SV2B: variants seen among roughly 807,000 people sequenced by gnomAD.
SV2B encodes the protein synaptic vesicle glycoprotein 2B.
Under a neutral mutation model 73.9 loss-of-function variants are expected in SV2B, and 41 were observed. That is an observed-to-expected ratio of 0.56 (90% CI 0.43 to 0.72). SV2B has a LOEUF of 0.72. SV2B is among the 30% of genes least tolerant of loss of function. SV2B has a pLI of 0.00. For synonymous variants in SV2B, 314 were observed against 314.2 expected, an observed-to-expected ratio of 1.00 and a Z score of 0.01; for missense variants, 764 against 857.8, an observed-to-expected ratio of 0.89 and a Z score of 1.37.
chr15:91,182,901 G>A (rs2044636354), intron 1 of SV2B, among the ~76,000 whole-genome samples: 1 of 152,168 alleles, frequency 6.6e-6, no homozygotes, highest in Admixed American at 6.5e-5. Flanking sequence ...CTAGAGAGCT[G>A]TTATTCATCT....
At position 91,258,150 on chromosome 15, in the gene SV2B, A is replaced by G. The variant is rs573841273; in HGVS notation, c.785-271A>G. Among the ~76,000 whole-genome samples, 2 of 152,188 alleles carry G rather than the reference A, an allele frequency of 1.3e-5. No individual in the cohort carries two copies. Among genetic ancestry groups the G allele is most frequent in the East Asian group, 3.9e-4 (2 of 5,180 alleles). ...TGTCAGGCCAGGCCTGGACCTGGGG[A>G]TTTGTCAGAATGCAGAATTCCTGGG... On this transcript the variant is annotated intron_variant, in intron 4 of 12. Transcript: ENST00000394232. The surrounding 1 kb of genome is among the most constrained non-coding windows in gnomAD (Gnocchi z 4.7).
At chr15:91,254,483 C>G (rs980660428) in intron 4 of SV2B, among the ~76,000 whole-genome samples, 1 of 152,106 alleles carries the variant, frequency 6.6e-6, no homozygotes, top group African/African-American at 2.4e-5. Flanking sequence ...GTGATCCACC[C>G]GCCTCAGCTT....
intron 1 of SV2B, among the ~76,000 whole-genome samples, chr15:91,138,188 G>A (rs1045061488): frequency 6.6e-6 from 1 of 152,158 alleles, no homozygotes; most frequent in African/African-American, 2.4e-5. Flanking sequence ...ACCCTAACCT[G>A]AATCTGAGGC....
intron 9 of SV2B, among the ~76,000 whole-genome samples, chr15:91,279,062 G>A (rs538067270): frequency 6.6e-6 from 1 of 152,140 alleles, no homozygotes; most frequent in Non-Finnish European, 1.5e-5. Flanking sequence ...TTTTCCCTCT[G>A]TCTGGAATAC....
rs1016021673 is a variant in SV2B at position 91,290,121 on chromosome 15, C to T, written c.1868+441C>T. Among the ~76,000 whole-genome samples the T allele has an allele frequency of 2.0e-5, 3 of 152,060 alleles. No homozygotes were observed. The highest frequency in any genetic ancestry group is 4.4e-5 in the Non-Finnish European group (3 of 68,012). ...CTGCAGAGAATGTGGCAGGGAGGCC[C>T]AGGGGTTACTTTTATTTTGCACAGG... is the stretch of plus-strand genomic sequence containing the variant. On this transcript the variant is annotated intron_variant, in intron 12 of 12. Coordinates refer to ENST00000394232, the MANE Select transcript of SV2B (RefSeq NM_001323032.3). The surrounding 1 kb of genome is among the most constrained non-coding windows in gnomAD (Gnocchi z 4.7).
In SV2B at chr15:91,216,093, A is replaced by G. The variant is rs182965851; in HGVS notation, c.-391-9780A>G. 7.9e-5 allele frequency among the ~76,000 whole-genome samples: 12 copies of G among 152,326 alleles called. No homozygotes were observed. The East Asian group carries it at 2.3e-3, about 29-fold the overall frequency. On this transcript the variant is annotated intron_variant, in intron 1 of 12. Coordinates refer to ENST00000394232, the MANE Select transcript of SV2B (RefSeq NM_001323032.3). The stretch of plus-strand genomic sequence containing the variant: ...TAGAAGAAAGAAGTATTTTTAATAT[A>G]ATACTCATGAACCAACACTGTTGTA...
Position 91,127,815 on chromosome 15 carries a change from G to C in SV2B, c.-392+27452G>C, listed in dbSNP as rs1749666819. Among the ~76,000 whole-genome samples, 3 of 152,168 alleles carry C rather than the reference G, an allele frequency of 2.0e-5. No individual in the cohort carries two copies. The South Asian group carries it at 6.2e-4, about 32-fold the overall frequency. On this transcript the variant is annotated intron_variant, in intron 1 of 12. Transcript: ENST00000394232. The stretch of plus-strand genomic sequence containing the variant: ...TTTAACTTGTGCATATTGGGGCATA[G>C]TAATAGTCCCAGGGGTTTGCCAGAA...
At position 91,121,473 on chromosome 15, in the gene SV2B, T is replaced by C. The variant is rs531140986; in HGVS notation, c.-392+21110T>C. Among the ~76,000 whole-genome samples the C allele has an allele frequency of 1.4e-4, 22 of 152,354 alleles. No individual in the cohort carries two copies. The highest frequency in any genetic ancestry group is 3.4e-3 in the Middle Eastern group (1 of 294). On this transcript the variant is annotated intron_variant, in intron 1 of 12. Coordinates refer to ENST00000394232, the MANE Select transcript of SV2B (RefSeq NM_001323032.3). The surrounding 1 kb of genome is among the most constrained non-coding windows in gnomAD (Gnocchi z 4.4). ...CTGTTTCTATTGCTTTATTTTCCCA[T>C]AATTCTTGGGTAGAATCTTGCTTCT... is the stretch of plus-strand genomic sequence containing the variant.
chr15:91,154,263 G>C (rs2141227217), intron 1 of SV2B, among the ~76,000 whole-genome samples: 1 of 151,832 alleles, frequency 6.6e-6, no homozygotes, highest in Non-Finnish European at 1.5e-5. Context: ...TCTCATCTCT[G>C]GAAAGAGACT....
Position 91,128,365 on chromosome 15 carries a change from T to A in SV2B, c.-392+28002T>A, listed in dbSNP as rs2042546402. Among the ~76,000 whole-genome samples the A allele has an allele frequency of 2.6e-5, 4 of 152,112 alleles. No individual in the cohort carries two copies. Among genetic ancestry groups the A allele is most frequent in the African/African-American group, 7.2e-5 (3 of 41,396 alleles). ...TTGTTAGTAAGATTTTTCTGCAGAG[T>A]CAGAAAAAGTGAATGGACCAGGTAC... On this transcript the variant is annotated intron_variant, in intron 1 of 12. Coordinates refer to ENST00000394232, the MANE Select transcript of SV2B (RefSeq NM_001323032.3). The surrounding 1 kb of genome is among the most constrained non-coding windows in gnomAD (Gnocchi z 4.2).
chr15:91,211,002 T>C (rs2045836052), intron 1 of SV2B, among the ~76,000 whole-genome samples: 1 of 152,202 alleles, frequency 6.6e-6, no homozygotes, highest in Non-Finnish European at 1.5e-5. Context: ...ATGCCTGCCA[T>C]TGATGAAGAC....
chr15:91,270,890 TGATGGGAGGACGGTGAGTCCTGTGGAC>T (rs1567417869), intron 9 of SV2B, among the ~76,000 whole-genome samples: 9 of 119,826 alleles, frequency 7.5e-5, no homozygotes, highest in Admixed American at 1.5e-4. Context: ...ATCTTGTGGA[TGATGGGAGGACGGTGAGTCCTGTGGAC>T]GATGGGAGGA....
chr15:91,172,930 AT>A (rs370926365), intron 1 of SV2B, among the ~76,000 whole-genome samples: 3,333 of 145,250 alleles, frequency 0.023, 118 homozygotes, highest in African/African-American at 0.079. Flanking sequence ...TTTCAGGGGC[AT>A]TTTTTTTTTC....
At chr15:91,179,988 C>T (rs1212973080) in intron 1 of SV2B, among the ~76,000 whole-genome samples, 2 of 151,204 alleles carry the variant, frequency 1.3e-5, no homozygotes, top group African/African-American at 2.4e-5. Flanking sequence ...TTCCTAGTCT[C>T]GATGGTCTTT....
intron 6 of SV2B, among the ~76,000 whole-genome samples, chr15:91,264,215 A>G (rs2048024920): frequency 6.6e-6 from 1 of 152,236 alleles, no homozygotes; most frequent in Non-Finnish European, 1.5e-5. Flanking sequence ...CACCAACCAA[A>G]CAGGCCCCAC....
intron 1 of SV2B, among the ~76,000 whole-genome samples, chr15:91,143,772 A>T (rs1217173127): frequency 6.6e-6 from 1 of 152,234 alleles, no homozygotes; most frequent in African/African-American, 2.4e-5. Context: ...CTCCAAGAAC[A>T]GTTTTTATAT....
chr15:91,292,645 T>C lies in SV2B; in HGVS notation c.*93T>C, dbSNP rs878886133. The stretch of plus-strand genomic sequence containing the variant: ...TGCCTATCACGGTCCGGAGGACACC[T>C]TGGATAGCACGGGAGGAGAAGTTGA... On this transcript the variant is annotated 3_prime_UTR_variant, in exon 13 of 13. Coordinates refer to ENST00000394232, the MANE Select transcript of SV2B (RefSeq NM_001323032.3). 1 of 1,447,820 alleles carries C rather than the reference T, an allele frequency of 6.9e-7. No individual in the cohort carries two copies. Among genetic ancestry groups the C allele is most frequent in the Non-Finnish European group, 9.2e-7 (1 of 1,081,614 alleles). 89.7% of individuals were successfully genotyped at this position (1,447,820 alleles called of 1,614,324 possible).
At chr15:91,152,262 T>A (rs1389664538) in intron 1 of SV2B, among the ~76,000 whole-genome samples, 1 of 152,118 alleles carries the variant, frequency 6.6e-6, no homozygotes, top group Non-Finnish European at 1.5e-5. Flanking sequence ...GTGAATAGAT[T>A]TTTGTAAAAC....
At chr15:91,148,796 G>A (rs2043222586) in intron 1 of SV2B, among the ~76,000 whole-genome samples, 1 of 152,208 alleles carries the variant, frequency 6.6e-6, no homozygotes, top group African/African-American at 2.4e-5. Flanking sequence ...GAAGACTGAT[G>A]TCCCAGCTCA....
Sources: allele counts gnomAD v4.1 joint callset (sites outside exome capture counted in the v4.1 genomes callset), GRCh38; gene constraint gnomAD v4.1.1; non-coding constraint Gnocchi (gnomAD v3.1); transcripts MANE v1.5; gene names NCBI Gene and HGNC (gene_info 2026-07-23, HGNC 2026-07-21).